STAC: variants seen among roughly 807,000 people sequenced by gnomAD.
The protein encoded by STAC is SH3 and cysteine-rich domain-containing protein.
In STAC, 43 loss-of-function variants were observed where a neutral mutation model predicts 48.8. The observed-to-expected ratio is 0.88, with a 90% CI of 0.69 to 1.14. STAC has a LOEUF of 1.14. STAC is among the 50% of genes most tolerant of loss of function. The pLI, the probability that STAC is intolerant of heterozygous loss-of-function variation, is 0.00. For synonymous variants in STAC, 193 were observed against 179.5 expected (o/e 1.07, Z -0.60); for missense variants, 497 against 504.0 (o/e 0.99, Z 0.13).
chr3:36,443,060 GT>G lies in STAC; in HGVS notation c.112-303del, dbSNP rs1696397856. 6.6e-6 allele frequency among the ~76,000 whole-genome samples: 1 copy of G among 152,194 alleles called. No homozygotes were observed. The highest frequency in any genetic ancestry group is 2.4e-5 in the African/African-American group (1 of 41,442). ...AAGGCAAATTATATCAAAATCCAAT[GT>G]GGTGGGACACTTTTACAGCACACTG... On this transcript the variant is annotated intron_variant, in intron 1 of 10. Coordinates refer to ENST00000273183, the MANE Select transcript of STAC (RefSeq NM_003149.3). This position sits in a 1 kb window ranked among gnomAD's most constrained non-coding sequence, Gnocchi z 4.2.
chr3:36,525,753 A>AT (rs1194239763), intron 8 of STAC, among the ~76,000 whole-genome samples: 1 of 151,500 alleles, frequency 6.6e-6, no homozygotes, highest in African/African-American at 2.4e-5. Flanking sequence ...GGAAAGAGTG[A>AT]TTTTCAGCCA....
chr3:36,498,178 G>A (rs1698192510), intron 6 of STAC, among the ~76,000 whole-genome samples: 1 of 152,022 alleles, frequency 6.6e-6, no homozygotes, highest in Non-Finnish European at 1.5e-5. Flanking sequence ...GTTAAAAATG[G>A]ACCATAAAAC....
chr3:36,528,688 C>T lies in STAC; in HGVS notation c.921-8C>T. 1.3e-6 allele frequency: 2 copies of T among 1,580,250 alleles called. No individual in the cohort carries two copies. The highest frequency in any genetic ancestry group is 2.1e-4 in the Middle Eastern group (1 of 4,782). The stretch of plus-strand genomic sequence containing the variant: ...TCCTTTACCTAACTCATTCATTCTT[C>T]ATTTTAGGCCAGGAGACATAATTAC... On this transcript the variant is annotated splice_region_variant and splice_polypyrimidine_tract_variant and intron_variant, in intron 8 of 10. Transcript: ENST00000273183.
chr3:36,397,900 T>C (rs1018047924), intron 1 of STAC, among the ~76,000 whole-genome samples: 10 of 151,768 alleles, frequency 6.6e-5, no homozygotes, highest in Admixed American at 5.3e-4. Context: ...GACTTTTGCA[T>C]GCAGCAGGCA....
intron 1 of STAC, among the ~76,000 whole-genome samples, chr3:36,431,620 C>A (rs140439575): frequency 3.6e-4 from 55 of 152,280 alleles, no homozygotes; most frequent in Non-Finnish European, 3.7e-4. Flanking sequence ...GAAAAGGAGG[C>A]CTCTTGCCCA....
intron 6 of STAC, among the ~76,000 whole-genome samples, chr3:36,498,791 A>G (rs1698214686): frequency 6.6e-6 from 1 of 152,116 alleles, no homozygotes; most frequent in Non-Finnish European, 1.5e-5. Flanking sequence ...AGAGAGAGAC[A>G]ATATGTAAGA....
intron 1 of STAC, among the ~76,000 whole-genome samples, chr3:36,424,503 T>C (rs2125647227): frequency 6.6e-6 from 1 of 152,310 alleles, no homozygotes; most frequent in South Asian, 2.1e-4. Context: ...CTAAGAGATC[T>C]GGAATTTCAG....
At chr3:36,429,064 T>C (rs1198061332) in intron 1 of STAC, among the ~76,000 whole-genome samples, 1 of 152,146 alleles carries the variant, frequency 6.6e-6, no homozygotes, top group East Asian at 1.9e-4. Context: ...GGATTCTGCA[T>C]ATATTTTGAA....
At chr3:36,544,075 T>C (rs1308995935) in intron 10 of STAC, among the ~76,000 whole-genome samples, 1 of 152,148 alleles carries the variant, frequency 6.6e-6, no homozygotes, top group Non-Finnish European at 1.5e-5. Context: ...AACACACTCT[T>C]TGGCAAATTA....
At chr3:36,429,956 T>C (rs1043489382) in intron 1 of STAC, among the ~76,000 whole-genome samples, 1 of 152,184 alleles carries the variant, frequency 6.6e-6, no homozygotes, top group African/African-American at 2.4e-5. Context: ...ATACAGGAGA[T>C]ATTTTTAAGG....
At chr3:36,446,155 C>G (rs1410080231) in intron 2 of STAC, among the ~76,000 whole-genome samples, 1 of 152,214 alleles carries the variant, frequency 6.6e-6, no homozygotes, top group Non-Finnish European at 1.5e-5. Flanking sequence ...TTGTGTTAAG[C>G]AGGCACCGTG....
At chr3:36,429,918 G>T (rs1700658059) in intron 1 of STAC, among the ~76,000 whole-genome samples, 1 of 152,210 alleles carries the variant, frequency 6.6e-6, no homozygotes, top group Non-Finnish European at 1.5e-5. Flanking sequence ...CAGGTGAAAA[G>T]GGTCGGAGTC....
At chr3:36,504,552 G>A (rs954548430) in intron 7 of STAC, 95 bp downstream of exon 7, 1 of 955,020 alleles carries the variant, frequency 1.0e-6, no homozygotes, top group African/African-American at 1.6e-5. Flanking sequence ...AATTTAGTGA[G>A]TCCAGACCAG....
chr3:36,503,700 TG>T (rs1383784194), intron 6 of STAC, among the ~76,000 whole-genome samples: 1 of 152,164 alleles, frequency 6.6e-6, no homozygotes, highest in East Asian at 1.9e-4. Flanking sequence ...CCCAAACTGC[TG>T]GGATTATAGG....
At position 36,443,650 on chromosome 3, in the gene STAC, C is replaced by T. The variant is rs1175446996; in HGVS notation, c.388+10C>T. On this transcript the variant is annotated intron_variant, in intron 2 of 10. Coordinates refer to ENST00000273183, the MANE Select transcript of STAC (RefSeq NM_003149.3). The surrounding 1 kb of genome is among the most constrained non-coding windows in gnomAD (Gnocchi z 4.2). The stretch of plus-strand genomic sequence containing the variant: ...AACCACATGATAGTGGGTAAGGCCT[C>T]CCACCCCTTTCTCCAGATCCCAGCA... 5 of 1,606,922 alleles carry T rather than the reference C, an allele frequency of 3.1e-6. No homozygotes were observed. Among genetic ancestry groups the T allele is most frequent in the Non-Finnish European group, 4.2e-6 (5 of 1,179,190 alleles).
intron 6 of STAC, among the ~76,000 whole-genome samples, chr3:36,496,322 ACC>A (rs1041995718): frequency 4.6e-5 from 7 of 152,224 alleles, no homozygotes; most frequent in African/African-American, 1.7e-4. Context: ...AGTTTGAGAA[ACC>A]ACATGGAGAA....
intron 2 of STAC, among the ~76,000 whole-genome samples, chr3:36,482,539 C>T (rs77571292): frequency 6.6e-6 from 1 of 152,252 alleles, no homozygotes; most frequent in African/African-American, 2.4e-5. Context: ...CCCACTCTCA[C>T]ACAGACCTGC....
chr3:36,543,661 T>C (rs1345650004), intron 10 of STAC, among the ~76,000 whole-genome samples: 1 of 152,146 alleles, frequency 6.6e-6, no homozygotes, highest in East Asian at 1.9e-4. Flanking sequence ...TCAGTGGTGT[T>C]TTTGCTCCAA....
chr3:36,391,839 C>G (rs545565845), intron 1 of STAC, among the ~76,000 whole-genome samples: 1 of 152,214 alleles, frequency 6.6e-6, no homozygotes, highest in South Asian at 2.1e-4. Flanking sequence ...GCTGAAGTTA[C>G]AGCCAGCATG....
Sources: gnomAD v4.1 joint callset for allele counts (sites outside exome capture counted in the v4.1 genomes callset) on GRCh38, gnomAD v4.1.1 for gene constraint, Gnocchi (gnomAD v3.1) non-coding constraint, MANE v1.5 for transcripts, NCBI Gene and HGNC (gene_info 2026-07-23, HGNC 2026-07-21) for gene names.